The following DHX8 variants were observed in gnomAD, a reference collection of about 807,000 sequenced individuals.
DHX8 encodes ATP-dependent RNA helicase DHX8.
In DHX8, 67 loss-of-function variants were observed where a neutral mutation model predicts 140.7. The observed-to-expected ratio is 0.48, with a 90% CI of 0.39 to 0.58. The LOEUF (loss-of-function observed/expected upper bound fraction) is 0.58, where lower values mean the gene tolerates loss of function less well. Among genes scored for constraint, DHX8 ranks in the 20% least tolerant of loss-of-function variants. The pLI is 0.00. For missense variants in DHX8, 887 were observed against 1,550.7 expected, an observed-to-expected ratio of 0.57 and a Z score of 7.19; for synonymous variants, 533 against 553.2, an observed-to-expected ratio of 0.96 and a Z score of 0.51.
At chr17:43,528,037 C>T, downstream of DHX8, 2 of 234,734 alleles carry the variant, frequency 8.5e-6, no homozygotes, top group Non-Finnish European at 8.4e-6. Context: ...CCTCTGGGAA[C>T]ACAGAGCACC....
At chr17:43,528,588 G>A (rs1301957039), downstream of DHX8, 2 of 1,614,114 alleles carry the variant, frequency 1.2e-6, no homozygotes, top group Non-Finnish European at 1.7e-6. Context: ...GGTAGGCGGG[G>A]CTCTCATCCA....
Position 43,533,286 on chromosome 17 carries a change from G to A in DHX8, c.351-3126G>A, listed in dbSNP as rs199534414. On this transcript the variant is annotated intron_variant, in intron 2 of 3. Transcript: ENST00000589898. The stretch of plus-strand genomic sequence containing the variant: ...TGCCCGGGGAAAGGGCTGTAGGGGC[G>A]ACTGTCCAAGGGCACCAGGGGCAGG... 42 of 1,613,914 alleles carry A rather than the reference G, an allele frequency of 2.6e-5. No homozygotes were observed. In the Admixed American group the frequency reaches 4.3e-4, roughly 17 times the overall value.
rs746125827 is a variant in DHX8, at chr17:43,517,268, C to T, written c.2745C>T (p.Thr915=). The change falls in exon 18 of 23, where the codon ACC becomes ACT. Residue 915 remains threonine (T), a synonymous_variant. Transcript: ENST00000262415. ...ERAYRDEMLT[T]NVPEIQRTNL... ...CCTACCGAGATGAAATGCTGACCAC[C>T]AACGTGCCGGAAATCCAGAGAACCA... The T allele has an allele frequency of 1.2e-6, 2 of 1,614,140 alleles. No homozygotes were observed. Among genetic ancestry groups the T allele is most frequent in the East Asian group, 4.5e-5 (2 of 44,876 alleles).
At chr17:43,497,309 T>C (rs1295995729) in intron 9 of DHX8, among the ~76,000 whole-genome samples, 7 of 152,216 alleles carry the variant, frequency 4.6e-5, no homozygotes, top group Admixed American at 4.6e-4. Context: ...TATATATAAA[T>C]TGTCTATAAT....
intron 12 of DHX8, among the ~76,000 whole-genome samples, chr17:43,505,593 A>G (rs533296686): frequency 3.0e-4 from 45 of 152,226 alleles, no homozygotes; most frequent in African/African-American, 9.9e-4. Flanking sequence ...GTGCGTGTAC[A>G]GACACACATA....
intron 3 of DHX8, among the ~76,000 whole-genome samples, chr17:43,538,612 G>A (rs1005889193): frequency 1.3e-5 from 2 of 152,182 alleles, no homozygotes; most frequent in Non-Finnish European, 1.5e-5. Context: ...TCCCCAGAGC[G>A]GGGCTTCTCA....
chr17:43,505,987 T>A (rs1969473696), intron 12 of DHX8, among the ~76,000 whole-genome samples: 1 of 151,990 alleles, frequency 6.6e-6, no homozygotes, highest in Admixed American at 6.6e-5. Context: ...CTTAATGATA[T>A]ATCTCAGAGA....
chr17:43,540,222 G>A (rs1451140173), intron 3 of DHX8, among the ~76,000 whole-genome samples: 1 of 152,160 alleles, frequency 6.6e-6, no homozygotes, highest in East Asian at 1.9e-4. Context: ...GGAGGCTGAG[G>A]CAGGCAGACG....
intron 2 of DHX8, chr17:43,536,174 AG>A (rs1373285318): frequency 7.7e-6 from 4 of 518,846 alleles, no homozygotes; most frequent in Non-Finnish European, 1.4e-5. Flanking sequence ...GAACTGGCCC[AG>A]GCCCCTCACT....
intron 2 of DHX8, 119 bp downstream of exon 2, chr17:43,489,653 C>G: frequency 1.5e-5 from 10 of 650,492 alleles, no homozygotes; most frequent in African/African-American, 2.0e-5. Context: ...TGCAGTGGCG[C>G]CACCTCAGCT....
At chr17:43,493,127 TG>T in intron 6 of DHX8, 87 bp downstream of exon 6, 1 of 1,516,718 alleles carries the variant, frequency 6.6e-7, no homozygotes, top group South Asian at 1.3e-5. Flanking sequence ...AAAGTTACTT[TG>T]ATTAATGACA....
intron 22 of DHX8, 63 bp downstream of exon 22, chr17:43,522,289 T>A: frequency 6.6e-7 from 1 of 1,509,616 alleles, no homozygotes; most frequent in South Asian, 1.3e-5. Flanking sequence ...GTAAATTTCC[T>A]GGTATTTTGT....
rs10672223 is a variant in DHX8, at chr17:43,520,964, C to CTTTTT, written c.3066+105_3066+109dup. On this transcript the variant is annotated intron_variant, in intron 20 of 22. Transcript: ENST00000262415. ...TTGCCATTCCAATGCTTGATGTGGA[C>CTTTTT]TTTTTTTTTTTTTTTTTTTTTTTTG... The CTTTTT allele has an allele frequency of 6.7e-4, 268 of 399,550 alleles. 15 individuals carry two copies. The African/African-American group carries it at 7.8e-3, about 12-fold the overall frequency. 24.8% of individuals were successfully genotyped at this position (399,550 alleles called of 1,614,324 possible).
chr17:43,495,703 C>T (rs1968815831), intron 8 of DHX8, among the ~76,000 whole-genome samples: 1 of 152,066 alleles, frequency 6.6e-6, no homozygotes, highest in Non-Finnish European at 1.5e-5. Context: ...ACCTCTGCAA[C>T]CCTGGAATGG....
At chr17:43,511,400 T>G (rs1324947357) in intron 16 of DHX8, among the ~76,000 whole-genome samples, 2 of 151,808 alleles carry the variant, frequency 1.3e-5, no homozygotes, top group Non-Finnish European at 2.9e-5. Context: ...CTGTGAACAT[T>G]TGTTTACACA....
Position 43,484,085 on chromosome 17 carries a change from A to G in DHX8, c.48A>G (p.Pro16=), listed in dbSNP as rs879616965. The change falls in exon 1 of 23, where the codon CCA becomes CCG. Residue 16 remains proline, a synonymous_variant. Transcript: ENST00000262415. ...AMAGALIGSE[P]GPAEELAKLE... ...CGGGAGCCTTAATCGGGTCGGAGCC[A>G]GGCCCCGCGGAAGAACTTGCCAAAC... is the stretch of plus-strand genomic sequence containing the variant. 14 of 1,614,074 alleles carry G rather than the reference A, an allele frequency of 8.7e-6. No homozygotes were observed. Among genetic ancestry groups the G allele is most frequent in the Non-Finnish European group, 1.2e-5 (14 of 1,180,042 alleles).
chr17:43,499,719 A>G (rs771020071), intron 10 of DHX8, among the ~76,000 whole-genome samples: 5 of 152,124 alleles, frequency 3.3e-5, no homozygotes, highest in Non-Finnish European at 7.4e-5. Context: ...CATCATTCCT[A>G]TCTCTTTTGG....
At position 43,504,657 on chromosome 17, in the gene DHX8, G is replaced by C; in HGVS notation, c.1560G>C (p.Gln520His). 6.2e-7 allele frequency: 1 copy of C among 1,610,854 alleles called. No homozygotes were observed. Among genetic ancestry groups the C allele is most frequent in the Non-Finnish European group, 8.5e-7 (1 of 1,178,692 alleles). Residue 520 changes from glutamine to histidine, a missense_variant, in exon 12 of 23, where the codon CAG becomes CAC. Coordinates refer to ENST00000262415, the MANE Select transcript of DHX8 (RefSeq NM_004941.3). ...VDPLPDAEGR[Q>H]IAANMRGIGM... ...TTTCCTTTCCAGCGGAAGGCAGACA[G>C]ATTGCTGCCAACATGAGGGGTATTG...
downstream of DHX8, chr17:43,526,008 C>T: frequency 1.0e-6 from 1 of 985,362 alleles, no homozygotes; most frequent in Non-Finnish European, 1.2e-6. Flanking sequence ...TGTGGGTGTT[C>T]CTTGACCATC....
Sources: gnomAD v4.1 joint callset for allele counts (sites outside exome capture counted in the v4.1 genomes callset) on GRCh38, gnomAD v4.1.1 for gene constraint, MANE v1.5 for transcripts, NCBI Gene and HGNC (gene_info 2026-07-23, HGNC 2026-07-21) for gene names.